The following OR1J2 variants were observed in gnomAD, a reference collection of about 807,000 sequenced individuals.
OR1J2 encodes the protein olfactory receptor 1J2.
For synonymous variants in OR1J2, 142 were observed against 99.7 expected (o/e 1.42, Z -2.52); for missense variants, 304 against 246.1 (o/e 1.24, Z -1.57).
chr9:122,560,802 G>A, the OR1J2 span, among the ~76,000 whole-genome samples: 2 of 152,094 alleles, frequency 1.3e-5, no homozygotes, highest in East Asian at 1.9e-4. Context: ...ATGATTATGT[G>A]TCTTGGGGTT....
the OR1J2 span, among the ~76,000 whole-genome samples, chr9:122,501,033 A>G: frequency 6.6e-6 from 1 of 152,228 alleles, no homozygotes; most frequent in Admixed American, 6.5e-5. Flanking sequence ...AAAATGATAT[A>G]TAGGCAGGTT....
chr9:122,555,945 A>G, the OR1J2 span, among the ~76,000 whole-genome samples: 1 of 152,188 alleles, frequency 6.6e-6, no homozygotes, highest in Admixed American at 6.5e-5. Flanking sequence ...GGGTTTTGAC[A>G]AATGCTTAAT....
chr9:122,526,211 C>G, the OR1J2 span: 1 of 461,988 alleles, frequency 2.2e-6, no homozygotes, highest in Non-Finnish European at 3.8e-6. Flanking sequence ...ACTGTTATCT[C>G]CATTTTATAA....
At chr9:122,481,049 C>G in the OR1J2 span, among the ~76,000 whole-genome samples, 1 of 152,178 alleles carries the variant, frequency 6.6e-6, no homozygotes, top group African/African-American at 2.4e-5. Flanking sequence ...CCGCCTCGGC[C>G]TCCCAAAATG....
At chr9:122,456,863 A>G in the OR1J2 span, among the ~76,000 whole-genome samples, 2 of 152,244 alleles carry the variant, frequency 1.3e-5, no homozygotes, top group African/African-American at 2.4e-5. Flanking sequence ...CAGCAATCCC[A>G]TTACTGGATG....
the OR1J2 span, among the ~76,000 whole-genome samples, chr9:122,479,454 C>T: frequency 6.6e-6 from 1 of 152,102 alleles, no homozygotes; most frequent in African/African-American, 2.4e-5. Context: ...ATTAGAAATT[C>T]CTGCTTGATC....
At chr9:122,495,399 T>C in the OR1J2 span, among the ~76,000 whole-genome samples, 1 of 152,148 alleles carries the variant, frequency 6.6e-6, no homozygotes, top group African/African-American at 2.4e-5. Context: ...TATTTTTTCC[T>C]TGTCTTAGAC....
chr9:122,480,095 A>G, the OR1J2 span, among the ~76,000 whole-genome samples: 1 of 151,752 alleles, frequency 6.6e-6, no homozygotes, highest in African/African-American at 2.4e-5. Flanking sequence ...TTATCAAAGT[A>G]CTCTTTTTTT....
At chr9:122,574,263 G>T in the OR1J2 span, among the ~76,000 whole-genome samples, 5 of 152,036 alleles carry the variant, frequency 3.3e-5, no homozygotes, top group African/African-American at 1.2e-4. Context: ...GATTTTGATC[G>T]GTATTGCATG....
At chr9:122,452,247 T>C in the OR1J2 span, among the ~76,000 whole-genome samples, 2 of 152,136 alleles carry the variant, frequency 1.3e-5, no homozygotes, top group Non-Finnish European at 1.5e-5. Context: ...TGTCCACAAT[T>C]GGTAGAGTTT....
the OR1J2 span, among the ~76,000 whole-genome samples, chr9:122,474,469 G>A: frequency 2.6e-5 from 4 of 152,234 alleles, no homozygotes; most frequent in South Asian, 8.3e-4. Flanking sequence ...AGCACCAAAG[G>A]ACAATTCAAA....
the OR1J2 span, among the ~76,000 whole-genome samples, chr9:122,482,359 A>G: frequency 6.6e-6 from 1 of 152,172 alleles, no homozygotes; most frequent in African/African-American, 2.4e-5. Context: ...TATCAAAAAG[A>G]CAAAAAAATA....
chr9:122,520,067 A>G, the OR1J2 span: 3 of 1,611,182 alleles, frequency 1.9e-6, no homozygotes, highest in South Asian at 1.1e-5. Flanking sequence ...ACAGGGCAAC[A>G]GTCTTATCTC....
the OR1J2 span, among the ~76,000 whole-genome samples, chr9:122,530,454 C>T: frequency 2.0e-5 from 3 of 152,208 alleles, no homozygotes; most frequent in Non-Finnish European, 2.9e-5. Flanking sequence ...ACAGAGTTCC[C>T]TAGTGCCCTG....
chr9:122,465,789 T>G, the OR1J2 span, among the ~76,000 whole-genome samples: 1 of 152,214 alleles, frequency 6.6e-6, no homozygotes, highest in East Asian at 1.9e-4. Flanking sequence ...AGACCTCCTC[T>G]TCTCTTTCCC....
the OR1J2 span, chr9:122,477,284 G>A: frequency 1.9e-6 from 3 of 1,614,168 alleles, no homozygotes; most frequent in African/African-American, 1.3e-5. Context: ...TAAGAAACCA[G>A]GATGCACAGG....
the OR1J2 span, chr9:122,519,961 C>T: frequency 6.2e-7 from 1 of 1,614,102 alleles, no homozygotes; most frequent in Non-Finnish European, 8.5e-7. Flanking sequence ...GACGTAATTG[C>T]CTCTGTGATG....
the OR1J2 span, among the ~76,000 whole-genome samples, chr9:122,467,113 C>A: frequency 2.0e-5 from 3 of 152,320 alleles, no homozygotes; most frequent in African/African-American, 7.2e-5. Context: ...GCATGAGCCA[C>A]CACATCCGGC....
chr9:122,549,660 T>C, the OR1J2 span, among the ~76,000 whole-genome samples: 13 of 152,316 alleles, frequency 8.5e-5, no homozygotes, highest in Non-Finnish European at 1.0e-4. Flanking sequence ...TTGTCAAATA[T>C]CAGTTGGCTG....
Sources: gnomAD v4.1 joint callset for allele counts (sites outside exome capture counted in the v4.1 genomes callset) on GRCh38, gnomAD v4.1.1 for gene constraint, MANE v1.5 for transcripts, NCBI Gene and HGNC (gene_info 2026-07-23, HGNC 2026-07-21) for gene names.